OLFML2A: variants seen among roughly 807,000 people sequenced by gnomAD.
OLFML2A encodes the protein olfactomedin like 2A.
Under a neutral mutation model 60.9 loss-of-function variants are expected in OLFML2A, and 47 were observed. The observed-to-expected ratio is 0.77, with a 90% confidence interval of 0.61 to 0.98. OLFML2A has a LOEUF of 0.98. Ranked by LOEUF, OLFML2A falls within the 50% of genes least tolerant of loss-of-function variation. The pLI, the probability that OLFML2A is intolerant of heterozygous loss-of-function variation, is 0.00. For synonymous variants in OLFML2A, 372 were observed against 375.0 expected, an observed-to-expected ratio of 0.99 and a Z score of 0.09; for missense variants, 922 against 879.8, an observed-to-expected ratio of 1.05 and a Z score of -0.61.
chr9:124,795,816 C>T (rs541329107), intron 3 of OLFML2A, among the ~76,000 whole-genome samples: 1 of 152,308 alleles, frequency 6.6e-6, no homozygotes, highest in South Asian at 2.1e-4. Context: ...GTTGGTAAAA[C>T]ATGGCAGGAC....
intron 1 of OLFML2A, among the ~76,000 whole-genome samples, chr9:124,784,193 CT>C (rs370746858): frequency 9.1e-4 from 131 of 144,522 alleles, no homozygotes; most frequent in East Asian, 2.2e-3. Flanking sequence ...TAGTTTTTTT[CT>C]TTTTTTTTTT....
chr9:124,799,448 C>A lies in OLFML2A; in HGVS notation c.626C>A (p.Ala209Asp). 1 of 1,607,810 alleles carries A rather than the reference C, an allele frequency of 6.2e-7. No homozygotes were observed. Among genetic ancestry groups the A allele is most frequent in the Non-Finnish European group, 8.5e-7 (1 of 1,178,166 alleles). ...GLQLLQKDAA[A>D]APATPATGTG... Reference sequence around the variant, plus strand: ...CAGCTGCTGCAGAAGGATGCCGCCGCCGCCCCTGCCACCCCTGCCACGGGC... The same window carrying A: ...CAGCTGCTGCAGAAGGATGCCGCCGACGCCCCTGCCACCCCTGCCACGGGC... Residue 209 changes from alanine (A) to aspartate (D), a missense_variant, in exon 4 of 8, where the codon GCC becomes GAC. Coordinates refer to ENST00000373580, the MANE Select transcript of OLFML2A (RefSeq NM_182487.4).
rs754150730 is a variant in OLFML2A, at chr9:124,810,280, C to T, written c.1827C>T (p.Asp609=). The part of the protein sequence containing the change: ...AYAFDTHTGT[D]ARPQLPFLNE... ...CTTTCGACACGCACACGGGCACCGA[C>T]GCACGCCCCCAGCTGCCGTTCCTCA... The change falls in exon 8 of 8, where the codon GAC becomes GAT. Residue 609 remains aspartate, a synonymous_variant. Transcript: ENST00000373580. The T allele has an allele frequency of 2.0e-4, 327 of 1,610,332 alleles. 1 individual carries two copies. The highest frequency in any genetic ancestry group is 2.7e-4 in the Non-Finnish European group (318 of 1,179,986).
intron 4 of OLFML2A, 151 bp from the exon 5 acceptor site, chr9:124,801,262 TG>T: frequency 1.1e-6 from 1 of 904,758 alleles, no homozygotes; most frequent in Non-Finnish European, 1.7e-6. Context: ...GCCACCATGG[TG>T]GGGTAAAGGA....
intron 3 of OLFML2A, among the ~76,000 whole-genome samples, chr9:124,797,764 CT>C (rs1841695036): frequency 6.6e-6 from 1 of 152,198 alleles, no homozygotes; most frequent in Admixed American, 6.5e-5. Flanking sequence ...TTTCCAAGTC[CT>C]CTCCAGTGAA....
rs770899683 is a variant in OLFML2A, at chr9:124,803,927, C to T, written c.920-167C>T. Among the ~76,000 whole-genome samples, 13 of 152,288 alleles carry T rather than the reference C, an allele frequency of 8.5e-5. No individual in the cohort carries two copies. In the East Asian group the frequency reaches 1.4e-3, roughly 16 times the overall value. On this transcript the variant is annotated intron_variant, in intron 5 of 7. Transcript: ENST00000373580. ...GCCCTGGCTGTGAAGTCCTCCCTGC[C>T]TCCCATTTGGAGACCTTTCACCCCC...
At chr9:124,803,824 G>T (rs778109520) in intron 5 of OLFML2A, among the ~76,000 whole-genome samples, 1 of 152,226 alleles carries the variant, frequency 6.6e-6, no homozygotes, top group Non-Finnish European at 1.5e-5. Context: ...CCAGCATGGT[G>T]GGCTCCTGAC....
At chr9:124,780,593 C>T (rs982813258) in intron 1 of OLFML2A, among the ~76,000 whole-genome samples, 1 of 152,174 alleles carries the variant, frequency 6.6e-6, no homozygotes, top group African/African-American at 2.4e-5. Context: ...CTCCGGCAGG[C>T]GAGGGCCACA....
intron 1 of OLFML2A, among the ~76,000 whole-genome samples, chr9:124,784,716 AACCCCAT>A (rs1268845863): frequency 6.6e-6 from 1 of 152,110 alleles, no homozygotes; most frequent in African/African-American, 2.4e-5. Flanking sequence ...CCCAAAAGGA[AACCCCAT>A]ACCAATTAAG....
chr9:124,777,371 C>A lies in OLFML2A; in HGVS notation c.90+11C>A. Reference sequence around the variant, plus strand: ...CGCGCCGACAGTAAGGTACGCACGCCCCTCGGACCCGCGCGGCTCGGCGGG... The same window carrying A: ...CGCGCCGACAGTAAGGTACGCACGCACCTCGGACCCGCGCGGCTCGGCGGG... On this transcript the variant is annotated intron_variant, in intron 1 of 7. Transcript: ENST00000373580. This position sits in a 1 kb window ranked among gnomAD's most constrained non-coding sequence, Gnocchi z 6.2. The A allele has an allele frequency of 8.0e-7, 1 of 1,248,518 alleles. No homozygotes were observed. Among genetic ancestry groups the A allele is most frequent in the Non-Finnish European group, 1.0e-6 (1 of 994,408 alleles). 77.3% of individuals were successfully genotyped at this position (1,248,518 alleles called of 1,614,324 possible).
intron 1 of OLFML2A, among the ~76,000 whole-genome samples, chr9:124,784,960 T>C (rs1208745053): frequency 8.4e-6 from 1 of 119,590 alleles, no homozygotes; most frequent in East Asian, 2.4e-4. Context: ...TTTTTTTTTT[T>C]TTTTTTTTTT....
At position 124,787,020 on chromosome 9, in the gene OLFML2A, G is replaced by T. The variant is rs1374322450; in HGVS notation, c.136G>T (p.Asp46Tyr). The T allele has an allele frequency of 6.2e-7, 1 of 1,613,866 alleles. No homozygotes were observed. The highest frequency in any genetic ancestry group is 8.5e-7 in the Non-Finnish European group (1 of 1,179,978). ...DQVRMTSEGS[D>Y]CRCKCIMRPL... ...GGTGAGGATGACCTCGGAGGGCTCC[G>T]ACTGCCGTTGCAAGTGCATCATGCG... Residue 46 changes from aspartate to tyrosine, a missense_variant, in exon 2 of 8, where the codon GAC becomes TAC. Transcript: ENST00000373580.
At position 124,777,741 on chromosome 9, in the gene OLFML2A, C is replaced by T. The variant is rs549993888; in HGVS notation, c.90+381C>T. 2.0e-5 allele frequency among the ~76,000 whole-genome samples: 3 copies of T among 152,246 alleles called. No homozygotes were observed. The South Asian group carries it at 6.2e-4, about 32-fold the overall frequency. On this transcript the variant is annotated intron_variant, in intron 1 of 7. Transcript: ENST00000373580. This position sits in a 1 kb window ranked among gnomAD's most constrained non-coding sequence, Gnocchi z 6.2. ...GCAGCAAGCCCTGGGCCACGGCTTT[C>T]ACGGCCCGCTGGGGACTGGGGGTCT...
intron 1 of OLFML2A, among the ~76,000 whole-genome samples, chr9:124,782,764 C>A (rs1224976909): frequency 2.0e-5 from 3 of 152,188 alleles, no homozygotes; most frequent in African/African-American, 7.2e-5. Flanking sequence ...GGTAGCACCT[C>A]ATCTGAGGAG....
chr9:124,791,785 T>C (rs1841573139), intron 2 of OLFML2A, among the ~76,000 whole-genome samples: 2 of 146,792 alleles, frequency 1.4e-5, no homozygotes, highest in Admixed American at 1.4e-4. Flanking sequence ...AAGCCAGACA[T>C]ACACAGGATA....
In OLFML2A at chr9:124,801,584, C is replaced by A; in HGVS notation, c.840C>A (p.Ala280=). 1 of 1,614,044 alleles carries A rather than the reference C, an allele frequency of 6.2e-7. No individual in the cohort carries two copies. The highest frequency in any genetic ancestry group is 8.5e-7 in the Non-Finnish European group (1 of 1,180,024). The change falls in exon 5 of 8, where the codon GCC becomes GCA. Residue 280 remains alanine, a synonymous_variant. Transcript: ENST00000373580. The stretch of plus-strand genomic sequence containing the variant: ...TCCAGCCCACAGCCAAGCCCCGCGC[C>A]CTGGCCCAGCAGCAGGCTGTGATCC... The part of the protein sequence containing the change: ...SFLQPTAKPR[A]LAQQQAVIRG...
intron 6 of OLFML2A, among the ~76,000 whole-genome samples, chr9:124,807,345 A>C (rs1841916500): frequency 7.1e-6 from 1 of 141,124 alleles, no homozygotes; most frequent in Admixed American, 7.6e-5. Flanking sequence ...GTGCAGTGGC[A>C]TGATCTCTGC....
Position 124,804,252 on chromosome 9 carries a change from GCCACCACCACCA to G in OLFML2A, c.1081_1092del (p.Thr361_Thr364del). On this transcript the variant is annotated inframe_deletion, in exon 6 of 8. Coordinates refer to ENST00000373580, the MANE Select transcript of OLFML2A (RefSeq NM_182487.4). ...TTCTGGCACCCCCACTTCAATCCCT[GCCACCACCACCA>G]CCGCCACCACCACCCCAACCCCCAC... The G allele has an allele frequency of 6.2e-7, 1 of 1,607,618 alleles. No homozygotes were observed. The highest frequency in any genetic ancestry group is 8.5e-7 in the Non-Finnish European group (1 of 1,176,444).
At chr9:124,785,182 G>C (rs1009644895) in intron 1 of OLFML2A, among the ~76,000 whole-genome samples, 2 of 151,160 alleles carry the variant, frequency 1.3e-5, no homozygotes, top group African/African-American at 2.4e-5. Flanking sequence ...TCGAACTCCC[G>C]ACCTCAGGTG....
Sources: allele counts gnomAD v4.1 joint callset (sites outside exome capture counted in the v4.1 genomes callset), GRCh38; gene constraint gnomAD v4.1.1; non-coding constraint Gnocchi (gnomAD v3.1); transcripts MANE v1.5; gene names NCBI Gene and HGNC (gene_info 2026-07-23, HGNC 2026-07-21).